ADGRB2: variants seen among roughly 807,000 people sequenced by gnomAD.
ADGRB2 encodes adhesion G protein-coupled receptor B2.
In ADGRB2, 47 loss-of-function variants were observed where a neutral mutation model predicts 178.7. The observed-to-expected ratio is 0.26, with a 90% confidence interval of 0.21 to 0.34. The LOEUF is 0.34. Among genes scored for constraint, ADGRB2 ranks in the 10% least tolerant of loss-of-function variants. ADGRB2 has a pLI of 1.00. For synonymous variants in ADGRB2, 870 were observed against 912.4 expected, an observed-to-expected ratio of 0.95 and a Z score of 0.84; for missense variants, 1,584 against 2,180.8, an observed-to-expected ratio of 0.73 and a Z score of 5.45.
In ADGRB2 at chr1:31,739,294, TC is replaced by T. The variant is rs1557754785; in HGVS notation, c.2495+13del. The stretch of plus-strand genomic sequence containing the variant: ...GACCCTCAGCAGCCCCAGCCACCCA[TC>T]CCCAGGACTCACCTGGGAGGCGGCA... On this transcript the variant is annotated intron_variant, in intron 15 of 32. Coordinates refer to ENST00000373658, the MANE Select transcript of ADGRB2 (RefSeq NM_001364857.2). 2.8e-6 allele frequency: 4 copies of T among 1,443,218 alleles called. No homozygotes were observed. The highest frequency in any genetic ancestry group is 2.7e-6 in the Non-Finnish European group (3 of 1,096,240). The allele number at this position is 1,443,218 out of a possible 1,614,324, so 89.4% of individuals were successfully genotyped here. A position where few individuals can be genotyped will look rare whatever the true frequency, so the allele number is the denominator to read the frequency against.
intron 29 of ADGRB2, among the ~76,000 whole-genome samples, chr1:31,729,820 G>A (rs950561041): frequency 6.6e-6 from 1 of 152,248 alleles, no homozygotes; most frequent in Non-Finnish European, 1.5e-5. Flanking sequence ...CGCCAAGCGC[G>A]CCCTTCTCCG....
Position 31,757,397 on chromosome 1 carries a change from G to A in ADGRB2, c.-76C>T, listed in dbSNP as rs778819498. Reference sequence around the variant, plus strand: ...TCTCACTCACTTGCTTTACTGAGAGGGAGAGAAAGGGGCGGAGTTACAGCC... The same window carrying A: ...TCTCACTCACTTGCTTTACTGAGAGAGAGAGAAAGGGGCGGAGTTACAGCC... On this transcript the variant is annotated 5_prime_UTR_variant, in exon 2 of 33. Coordinates refer to ENST00000373658, the MANE Select transcript of ADGRB2 (RefSeq NM_001364857.2). 1 of 838,288 alleles carries A rather than the reference G, an allele frequency of 1.2e-6. No homozygotes were observed. Among genetic ancestry groups the A allele is most frequent in the African/African-American group, 1.7e-5 (1 of 59,740 alleles). The allele number at this position is 838,288 out of a possible 1,614,324, so 51.9% of individuals were successfully genotyped here.
rs1325569785 is a variant in ADGRB2 at position 31,742,912 on chromosome 1, G to A, written c.1178C>T (p.Pro393Leu). The A allele has an allele frequency of 1.3e-6, 2 of 1,542,444 alleles. No individual in the cohort carries two copies. Among genetic ancestry groups the A allele is most frequent in the African/African-American group, 1.4e-5 (1 of 72,416 alleles). Residue 393 changes from proline to leucine, a missense_variant, in exon 7 of 33, where the codon CCC becomes CTC. Around this residue, in one of 3 missense-constraint regions of ADGRB2, gnomAD observed 657 missense variants for 847.6 expected, o/e 0.78. Coordinates refer to ENST00000373658, the MANE Select transcript of ADGRB2 (RefSeq NM_001364857.2). ...GCAGGCCTTGCCGCCGTGCTGGGGGGGCACGCAGGTCCGCATCCGGCTCCG... is the reference window on the plus strand; with the variant it reads ...GCAGGCCTTGCCGCCGTGCTGGGGGAGCACGCAGGTCCGCATCCGGCTCCG... ...GSRSRMRTCV[P>L]PQHGGKACEG...
At chr1:31,762,949 G>C (rs755367010) in intron 1 of ADGRB2, among the ~76,000 whole-genome samples, 84 of 152,350 alleles carry the variant, frequency 5.5e-4, no homozygotes, top group Non-Finnish European at 9.7e-4. Flanking sequence ...ACGGGCCGCG[G>C]CGCGGAGGAC....
In ADGRB2 at chr1:31,727,344, C is replaced by T; in HGVS notation, c.*76G>A. ...GGGAGAGGGGAGAGGGCGCTGGCTC[C>T]TGGGTAGTTCCAAAGTGGAGTGTGA... is the stretch of plus-strand genomic sequence containing the variant. On this transcript the variant is annotated 3_prime_UTR_variant, in exon 33 of 33. Transcript: ENST00000373658. This position sits in a 1 kb window ranked among gnomAD's most constrained non-coding sequence, Gnocchi z 4.4. 6.8e-7 allele frequency: 1 copy of T among 1,474,788 alleles called. No individual in the cohort carries two copies. The highest frequency in any genetic ancestry group is 1.5e-5 in the African/African-American group (1 of 67,242). 91.4% of individuals were successfully genotyped at this position (1,474,788 alleles called of 1,614,324 possible).
intron 4 of ADGRB2, among the ~76,000 whole-genome samples, chr1:31,748,202 G>A (rs900102743): frequency 6.6e-6 from 1 of 152,228 alleles, no homozygotes; most frequent in African/African-American, 2.4e-5. Context: ...GGAGTGGGTT[G>A]GGGTCAGTGG....
rs537698853 is a variant in ADGRB2 at position 31,733,787 on chromosome 1, G to A, written c.3453-644C>T. ...AGAGCTGGGGCTAAAAGCTGGGGTC[G>A]GGCCAGGCCTACACCTCCCTGGCCT... On this transcript the variant is annotated intron_variant, in intron 25 of 32. Coordinates refer to ENST00000373658, the MANE Select transcript of ADGRB2 (RefSeq NM_001364857.2). The surrounding 1 kb of genome is among the most constrained non-coding windows in gnomAD (Gnocchi z 4.3). Among the ~76,000 whole-genome samples the A allele has an allele frequency of 5.3e-5, 8 of 152,060 alleles. No individual in the cohort carries two copies. Among genetic ancestry groups the A allele is most frequent in the Non-Finnish European group, 8.8e-5 (6 of 67,988 alleles).
In ADGRB2 at chr1:31,738,838, G is replaced by C; in HGVS notation, c.2595C>G (p.Ile865Met). 6.2e-7 allele frequency: 1 copy of C among 1,614,032 alleles called. No homozygotes were observed. The highest frequency in any genetic ancestry group is 8.5e-7 in the Non-Finnish European group (1 of 1,179,962). Residue 865 changes from isoleucine (I) to methionine (M), a missense_variant, in exon 16 of 33, where the codon ATC becomes ATG. This residue lies in a region of ADGRB2 where 865 missense variants were observed against 1,192.8 expected (regional missense o/e 0.73). Coordinates refer to ENST00000373658, the MANE Select transcript of ADGRB2 (RefSeq NM_001364857.2). ...TGCATGGATCTCCACTCACATTGAT[G>C]ATGTAGGAGAGCTCCACAGTGATGA... is the stretch of plus-strand genomic sequence containing the variant. ...EPLITVELSY[I>M]INGTTDPHCA...
Position 31,727,492 on chromosome 1 carries a change from C to A in ADGRB2, c.4686G>T (p.Arg1562=), listed in dbSNP as rs773706562. 6.3e-7 allele frequency: 1 copy of A among 1,596,760 alleles called. No individual in the cohort carries two copies. Among genetic ancestry groups the A allele is most frequent in the East Asian group, 2.3e-5 (1 of 43,956 alleles). ...LGSLPPKPRE[R]LTLHRAAAWE... ...AGGCTGCTGCCCGGTGCAGAGTCAG[C>A]CGTTCTCGGGGCTTGGGGGGCAGCG... Residue 1562 remains arginine (R), a synonymous_variant, in exon 33 of 33, where the codon CGG becomes CGT. Coordinates refer to ENST00000373658, the MANE Select transcript of ADGRB2 (RefSeq NM_001364857.2). The surrounding 1 kb of genome is among the most constrained non-coding windows in gnomAD (Gnocchi z 4.4).
At position 31,742,771 on chromosome 1, in the gene ADGRB2, C is replaced by G. The variant is rs1569919494; in HGVS notation, c.1252+67G>C. On this transcript the variant is annotated intron_variant, in intron 7 of 32. Transcript: ENST00000373658. ...GGCAGGTCACTGGACCTGACTGCCT[C>G]CCCAGGTCTCCCGACCCCCCACCGG... 4 of 1,369,544 alleles carry G rather than the reference C, an allele frequency of 2.9e-6. No homozygotes were observed. In the East Asian group the frequency reaches 1.2e-4, roughly 41 times the overall value. The allele number at this position is 1,369,544 out of a possible 1,614,324, so 84.8% of individuals were successfully genotyped here. A position where few individuals can be genotyped will look rare whatever the true frequency, so the allele number is the denominator to read the frequency against.
Position 31,730,923 on chromosome 1 carries a change from A to G in ADGRB2, c.4257T>C (p.Tyr1419=), listed in dbSNP as rs577696912. The G allele has an allele frequency of 1.9e-6, 3 of 1,582,654 alleles. No homozygotes were observed. Among genetic ancestry groups the G allele is most frequent in the African/African-American group, 2.7e-5 (2 of 74,130 alleles). The part of the protein sequence containing the change: ...GPAYGSLQNP[Y]GMTFQPPPPT... Reference sequence around the variant, plus strand: ...GCGGTGGCGGTTGGAAGGTCATTCCATAGGGATTCTGGAGAGATCCATAGG... The same window carrying G: ...GCGGTGGCGGTTGGAAGGTCATTCCGTAGGGATTCTGGAGAGATCCATAGG... The change falls in exon 29 of 33, where the codon TAT becomes TAC. Residue 1419 remains tyrosine (Y), a synonymous_variant. Coordinates refer to ENST00000373658, the MANE Select transcript of ADGRB2 (RefSeq NM_001364857.2).
intron 29 of ADGRB2, 123 bp downstream of exon 29, chr1:31,730,677 T>C (rs535346084): frequency 7.8e-7 from 1 of 1,280,212 alleles, no homozygotes; most frequent in Non-Finnish European, 1.0e-6. Flanking sequence ...AAATGCTCAG[T>C]GTATCCACTC....
In ADGRB2 at chr1:31,739,887, G is replaced by A. The variant is rs1055100916; in HGVS notation, c.2167+39C>T. On this transcript the variant is annotated intron_variant, in intron 14 of 32. Transcript: ENST00000373658. Reference sequence around the variant, plus strand: ...GAAAGACAGAACGTCTTGAGTTCTGGCACATTCAGGACCCCCACCCTTGCC... The same window carrying A: ...GAAAGACAGAACGTCTTGAGTTCTGACACATTCAGGACCCCCACCCTTGCC... 3.8e-6 allele frequency: 6 copies of A among 1,560,870 alleles called. No homozygotes were observed. In the African/African-American group the frequency reaches 8.1e-5, roughly 21 times the overall value.
intron 1 of ADGRB2, among the ~76,000 whole-genome samples, chr1:31,763,304 AG>A (rs1212370290): frequency 5.1e-5 from 4 of 78,642 alleles, no homozygotes; most frequent in African/African-American, 2.0e-4. Flanking sequence ...GATATGGGGG[AG>A]GGGGCGCTAG....
At chr1:31,742,302 G>A in intron 7 of ADGRB2, 85 bp from the exon 8 acceptor site, 2 of 1,500,468 alleles carry the variant, frequency 1.3e-6, no homozygotes, top group Non-Finnish European at 1.8e-6. Context: ...AAGACCCAGA[G>A]CCTGCTAGGC....
At position 31,742,220 on chromosome 1, in the gene ADGRB2, G is replaced by A. The variant is rs1322851096; in HGVS notation, c.1253-3C>T. ...CCATTCTAACCACTGGCCTTCCACT[G>A]CATGGGGAGACACAAGCAGGGGTGG... On this transcript the variant is annotated splice_polypyrimidine_tract_variant and splice_region_variant and intron_variant, in intron 7 of 32. Transcript: ENST00000373658. The A allele has an allele frequency of 6.3e-7, 1 of 1,592,094 alleles. No homozygotes were observed. The highest frequency in any genetic ancestry group is 1.1e-5 in the South Asian group (1 of 88,544).
Position 31,764,211 on chromosome 1 carries a change from G to A in ADGRB2, c.-518C>T. The A allele has an allele frequency of 8.2e-6, 2 of 244,474 alleles. No individual in the cohort carries two copies. Among genetic ancestry groups the A allele is most frequent in the Non-Finnish European group, 1.3e-5 (2 of 157,144 alleles). 15.1% of individuals were successfully genotyped at this position (244,474 alleles called of 1,614,324 possible). A position where few individuals can be genotyped will look rare whatever the true frequency, so the allele number is the denominator to read the frequency against. ...GCGCGCCGCCTCCTATTTGCGGGCGGCGGCCGCAGCCCCGGGCTCTGAGAG... is the reference window on the plus strand; with the variant it reads ...GCGCGCCGCCTCCTATTTGCGGGCGACGGCCGCAGCCCCGGGCTCTGAGAG... On this transcript the variant is annotated 5_prime_UTR_variant, in exon 1 of 33. Coordinates refer to ENST00000373658, the MANE Select transcript of ADGRB2 (RefSeq NM_001364857.2). This position sits in a 1 kb window ranked among gnomAD's most constrained non-coding sequence, Gnocchi z 7.3.
rs1173358424 is a variant in ADGRB2 at position 31,759,976 on chromosome 1, T to C, written c.-190-2465A>G. Among the ~76,000 whole-genome samples the C allele has an allele frequency of 6.6e-6, 1 of 152,158 alleles. No individual in the cohort carries two copies. The highest frequency in any genetic ancestry group is 1.9e-4 in the East Asian group (1 of 5,194). ...GACACCTCATCAGCCTCCCAACAAG[T>C]TCCCAGCACAGAGCCTAGCTCACAG... On this transcript the variant is annotated intron_variant, in intron 1 of 32. Coordinates refer to ENST00000373658, the MANE Select transcript of ADGRB2 (RefSeq NM_001364857.2). The surrounding 1 kb of genome is among the most constrained non-coding windows in gnomAD (Gnocchi z 4.3).
At chr1:31,752,465 G>T (rs929438898) in intron 4 of ADGRB2, among the ~76,000 whole-genome samples, 3 of 152,206 alleles carry the variant, frequency 2.0e-5, no homozygotes, top group Non-Finnish European at 2.9e-5. Context: ...ACTTCCTGCT[G>T]CCAGACCAGG....
Sources: allele counts gnomAD v4.1 joint callset (sites outside exome capture counted in the v4.1 genomes callset), GRCh38; gene constraint gnomAD v4.1.1; regional missense constraint gnomAD v4.1.1; non-coding constraint Gnocchi (gnomAD v3.1); transcripts MANE v1.5; gene names NCBI Gene and HGNC (gene_info 2026-07-23, HGNC 2026-07-21).